The following UTRN variants were observed in gnomAD, a reference collection of about 807,000 sequenced individuals.
The protein encoded by UTRN is dystrophin-related protein 1.
Under a neutral mutation model 463.9 loss-of-function variants are expected in UTRN, and 283 were observed. The observed-to-expected ratio is 0.61, with a 90% CI of 0.55 to 0.67. The LOEUF is 0.67. Among genes scored for constraint, UTRN ranks in the 30% least tolerant of loss-of-function variants. The pLI, the probability that UTRN is intolerant of heterozygous loss-of-function variation, is 0.00. For missense variants in UTRN, 3,922 were observed against 4,084.3 expected (o/e 0.96, Z 1.08); for synonymous variants, 1,442 against 1,431.5 (o/e 1.01, Z -0.17).
intron 2 of UTRN, among the ~76,000 whole-genome samples, chr6:144,335,231 T>C (rs1369188711): frequency 1.3e-5 from 2 of 152,226 alleles, no homozygotes; most frequent in Non-Finnish European, 2.9e-5. Flanking sequence ...GGTCCTGACT[T>C]GCAAACTCAG....
chr6:144,363,739 A>T (rs1365484634), intron 2 of UTRN, among the ~76,000 whole-genome samples: 1 of 152,210 alleles, frequency 6.6e-6, no homozygotes, highest in East Asian at 1.9e-4. Flanking sequence ...TAGAGCTGGG[A>T]GAGAAACCAT....
chr6:144,335,979 GTGGGTGTGCCCATAGTTT>G (rs1776688555), intron 2 of UTRN, among the ~76,000 whole-genome samples: 1 of 152,112 alleles, frequency 6.6e-6, no homozygotes, highest in South Asian at 2.1e-4. Context: ...ATGAGAGTGG[GTGGGTGTGCCCATAGTTT>G]AGACAGGACT....
At position 144,459,180 on chromosome 6, in the gene UTRN, T is replaced by G; in HGVS notation, c.2533T>G (p.Leu845Val). The part of the protein sequence containing the change: ...PSLKDSCQRE[L>V]TNLLGLHPKI... ...CGTATTTTCTCTTCCTTAGCGGGAA[T>G]TGACAAATCTTCTTGGCCTTCACCC... is the stretch of plus-strand genomic sequence containing the variant. The change falls in exon 21 of 75, where the codon TTG becomes GTG. Residue 845 changes from leucine to valine, a missense_variant. Around this residue, in one of 3 missense-constraint regions of UTRN, gnomAD observed 2,349 missense variants for 2,303.8 expected, o/e 1.02. Transcript: ENST00000367545. The G allele has an allele frequency of 6.2e-7, 1 of 1,610,644 alleles. No homozygotes were observed. The highest frequency in any genetic ancestry group is 8.5e-7 in the Non-Finnish European group (1 of 1,178,700).
At chr6:144,687,266 C>T (rs1782869782) in intron 52 of UTRN, among the ~76,000 whole-genome samples, 1 of 151,906 alleles carries the variant, frequency 6.6e-6, no homozygotes, top group Non-Finnish European at 1.5e-5. Context: ...GTGTTGGTAT[C>T]AGAGTGATAA....
At chr6:144,542,300 A>C (rs1798043892) in intron 45 of UTRN, among the ~76,000 whole-genome samples, 1 of 152,152 alleles carries the variant, frequency 6.6e-6, no homozygotes, top group African/African-American at 2.4e-5. Flanking sequence ...GCTGGACTGA[A>C]GATATGTTTT....
At chr6:144,381,894 T>C (rs1030295351) in intron 2 of UTRN, among the ~76,000 whole-genome samples, 6 of 152,226 alleles carry the variant, frequency 3.9e-5, no homozygotes, top group Non-Finnish European at 8.8e-5. Context: ...CTGGGTCAAA[T>C]AGTATTTCTG....
intron 53 of UTRN, among the ~76,000 whole-genome samples, chr6:144,727,904 A>ACCATGG (rs1788062131): frequency 6.6e-6 from 1 of 152,088 alleles, no homozygotes; most frequent in Non-Finnish European, 1.5e-5. Context: ...AGCCTGGCCA[A>ACCATGG]CCATGGCCAA....
At chr6:144,795,232 T>C (rs1777106320) in intron 63 of UTRN, among the ~76,000 whole-genome samples, 1 of 152,220 alleles carries the variant, frequency 6.6e-6, no homozygotes, top group African/African-American at 2.4e-5. Context: ...TAGTATTCCA[T>C]GGTGTATTTG....
chr6:144,482,174 C>T (rs372592293), intron 26 of UTRN, 35 bp from the exon 27 acceptor site: 248 of 1,381,694 alleles, frequency 1.8e-4, no homozygotes, highest in Middle Eastern at 3.8e-4. Context: ...GAAAGGGAGA[C>T]GTTTTTCAAG....
intron 7 of UTRN, 97 bp from the exon 8 acceptor site, chr6:144,428,680 TA>T: frequency 1.6e-6 from 1 of 612,084 alleles, no homozygotes; most frequent in Non-Finnish European, 2.6e-6. Flanking sequence ...ACCTCACAAA[TA>T]AAAATAATCT....
At chr6:144,445,436 C>G (rs1787576431) in intron 14 of UTRN, among the ~76,000 whole-genome samples, 1 of 150,962 alleles carries the variant, frequency 6.6e-6, no homozygotes, top group Non-Finnish European at 1.5e-5. Context: ...TCATTTCCAT[C>G]TATAAGAAGC....
At chr6:144,335,890 C>A (rs1776679460) in intron 2 of UTRN, among the ~76,000 whole-genome samples, 1 of 152,120 alleles carries the variant, frequency 6.6e-6, no homozygotes, top group Admixed American at 6.5e-5. Flanking sequence ...CACCTATATT[C>A]TTCATTGTCT....
intron 23 of UTRN, among the ~76,000 whole-genome samples, chr6:144,471,167 A>C: frequency 6.6e-6 from 1 of 151,780 alleles, no homozygotes; most frequent in South Asian, 2.1e-4. Context: ...AGGAACAGAT[A>C]CATGTGAATT....
chr6:144,732,255 TATAC>T (rs1334290933), intron 54 of UTRN, among the ~76,000 whole-genome samples: 31 of 100,018 alleles, frequency 3.1e-4, no homozygotes, highest in African/African-American at 5.8e-4. Context: ...TATATATATA[TATAC>T]ACACATATAT....
intron 63 of UTRN, among the ~76,000 whole-genome samples, chr6:144,794,925 G>A (rs1181907867): frequency 6.6e-6 from 1 of 152,072 alleles, no homozygotes; most frequent in Non-Finnish European, 1.5e-5. Flanking sequence ...AGAACGTGCA[G>A]GTTTGTTACA....
intron 9 of UTRN, among the ~76,000 whole-genome samples, chr6:144,432,336 A>G (rs1785937084): frequency 1.3e-5 from 2 of 152,080 alleles, no homozygotes; most frequent in South Asian, 4.1e-4. Context: ...TGATTAATCT[A>G]TCAAAATACA....
At chr6:144,292,326 A>G (rs768813085) in intron 2 of UTRN, among the ~76,000 whole-genome samples, 11 of 152,226 alleles carry the variant, frequency 7.2e-5, no homozygotes, top group Non-Finnish European at 1.6e-4. Context: ...ATCCCTGTTC[A>G]TAGCCATTGA....
At chr6:144,807,556 T>C (rs1392168134) in intron 65 of UTRN, among the ~76,000 whole-genome samples, 1 of 152,112 alleles carries the variant, frequency 6.6e-6, no homozygotes, top group Non-Finnish European at 1.5e-5. Flanking sequence ...AGAGACAGCA[T>C]GACACAGATG....
chr6:144,586,603 G>A (rs929352205), intron 51 of UTRN, among the ~76,000 whole-genome samples: 1 of 152,022 alleles, frequency 6.6e-6, no homozygotes, highest in Non-Finnish European at 1.5e-5. Flanking sequence ...TTACTTTGGG[G>A]TGTTTTATAT....
Sources: allele counts gnomAD v4.1 joint callset (sites outside exome capture counted in the v4.1 genomes callset), GRCh38; gene constraint gnomAD v4.1.1; regional missense constraint gnomAD v4.1.1; transcripts MANE v1.5; gene names NCBI Gene and HGNC (gene_info 2026-07-23, HGNC 2026-07-21).